RAB3C: variants seen among roughly 807,000 people sequenced by gnomAD.
RAB3C encodes RAB3C, member RAS oncogene family.
RAB3C carries 17 observed loss-of-function variants against 26.4 expected under a neutral mutation model. The observed-to-expected ratio is 0.64, with a 90% CI of 0.44 to 0.97. The LOEUF (loss-of-function observed/expected upper bound fraction) is 0.97, where lower values mean the gene tolerates loss of function less well. Among genes scored for constraint, RAB3C ranks in the 50% least tolerant of loss-of-function variants. RAB3C has a pLI of 0.00. For synonymous variants in RAB3C, 91 were observed against 95.9 expected, an observed-to-expected ratio of 0.95 and a Z score of 0.30; for missense variants, 242 against 281.9, an observed-to-expected ratio of 0.86 and a Z score of 1.01.
intron 4 of RAB3C, among the ~76,000 whole-genome samples, chr5:58,843,204 A>G (rs1267604409): frequency 6.6e-6 from 1 of 152,242 alleles, no homozygotes; most frequent in East Asian, 1.9e-4. Flanking sequence ...TTAAGATTCC[A>G]TATCCTTTGA....
At chr5:58,791,873 G>T (rs1285557937) in intron 3 of RAB3C, among the ~76,000 whole-genome samples, 1 of 152,206 alleles carries the variant, frequency 6.6e-6, no homozygotes, top group African/African-American at 2.4e-5. Flanking sequence ...GCAGTTTGAT[G>T]TTGGGAAAAT....
At chr5:58,622,534 A>G (rs1481713624) in intron 2 of RAB3C, among the ~76,000 whole-genome samples, 2 of 152,140 alleles carry the variant, frequency 1.3e-5, no homozygotes, top group Non-Finnish European at 2.9e-5. Flanking sequence ...GTGATTCCCA[A>G]CTGTCTCACT....
intron 2 of RAB3C, among the ~76,000 whole-genome samples, chr5:58,712,615 C>T (rs2111898748): frequency 6.6e-6 from 1 of 152,288 alleles, no homozygotes; most frequent in African/African-American, 2.4e-5. Flanking sequence ...ACCTCTGCCT[C>T]CCGGGTTCAA....
chr5:58,637,160 C>G (rs988765683), intron 2 of RAB3C, among the ~76,000 whole-genome samples: 1 of 148,958 alleles, frequency 6.7e-6, no homozygotes, highest in African/African-American at 2.5e-5. Flanking sequence ...TTCCCCATCC[C>G]TGATGTCACA....
chr5:58,582,995 G>C (rs779388564), upstream of RAB3C: 9 of 1,337,018 alleles, frequency 6.7e-6, no homozygotes, highest in African/African-American at 1.3e-4. Flanking sequence ...GGGAACACCC[G>C]GAGGGCGAGA....
chr5:58,773,889 G>A (rs542281137), intron 3 of RAB3C, among the ~76,000 whole-genome samples: 6 of 152,072 alleles, frequency 3.9e-5, no homozygotes, highest in Admixed American at 1.3e-4. Flanking sequence ...GGAGAAAATC[G>A]GATACCTCTG....
At chr5:58,801,938 G>A (rs144207940) in intron 3 of RAB3C, among the ~76,000 whole-genome samples, 109 of 152,318 alleles carry the variant, frequency 7.2e-4, no homozygotes, top group African/African-American at 2.2e-3. Flanking sequence ...AAAATATGGA[G>A]CTGCATTCTT....
At chr5:58,648,751 C>A (rs1208933194) in intron 2 of RAB3C, among the ~76,000 whole-genome samples, 2 of 152,038 alleles carry the variant, frequency 1.3e-5, no homozygotes, top group East Asian at 1.9e-4. Flanking sequence ...ATAAAAGATA[C>A]AAAAGATCTT....
intron 1 of RAB3C, among the ~76,000 whole-genome samples, chr5:58,610,194 C>CTGTGTGTGTGTGTGTG (rs1168785442): frequency 0.12 from 16,951 of 143,298 alleles, 1,263 homozygotes; most frequent in East Asian, 0.34. Flanking sequence ...TTTTGTTTTT[C>CTGTGTGTGTGTGTGTG]TGTGTGTGTG....
chr5:58,794,237 C>T (rs868229389), intron 3 of RAB3C: 12 of 149,898 alleles, frequency 8.0e-5, no homozygotes, highest in East Asian at 5.9e-4. Flanking sequence ...TTAAATAATG[C>T]CCCCCATTTT....
chr5:58,725,726 A>G (rs1441490062), intron 2 of RAB3C, among the ~76,000 whole-genome samples: 1 of 151,926 alleles, frequency 6.6e-6, no homozygotes, highest in African/African-American at 2.4e-5. Flanking sequence ...AAATATTTAA[A>G]GTGTTGTATA....
At chr5:58,813,350 C>T (rs912328794) in intron 3 of RAB3C, among the ~76,000 whole-genome samples, 13 of 151,904 alleles carry the variant, frequency 8.6e-5, no homozygotes, top group Non-Finnish European at 1.9e-4. Flanking sequence ...GGGTCTTCCT[C>T]GTTTCAGAAG....
intron 2 of RAB3C, among the ~76,000 whole-genome samples, chr5:58,655,550 G>A (rs1180759737): frequency 1.3e-5 from 2 of 152,126 alleles, no homozygotes; most frequent in Non-Finnish European, 2.9e-5. Context: ...ATTATGAAAG[G>A]TAAAGAGTAA....
rs1742033564 is a variant in RAB3C, at chr5:58,771,737, C to G, written c.371+45617C>G. Among the ~76,000 whole-genome samples the G allele has an allele frequency of 2.6e-5, 4 of 151,972 alleles. No individual in the cohort carries two copies. In the South Asian group the frequency reaches 6.2e-4, roughly 24 times the overall value. On this transcript the variant is annotated intron_variant, in intron 3 of 4. Transcript: ENST00000282878. ...CAAGTCTCCAGAGTTAAGATCTAGA[C>G]TGTTGTGAATGTCTCAAGTTCAAAA...
At chr5:58,849,381 A>C (rs1229927245) in intron 4 of RAB3C, among the ~76,000 whole-genome samples, 4 of 152,152 alleles carry the variant, frequency 2.6e-5, no homozygotes, top group Admixed American at 1.3e-4. Flanking sequence ...GCATGCCAAT[A>C]GTTCTGATAT....
rs922959084 is a variant in RAB3C, at chr5:58,588,819, A to G, written c.24+5587A>G. On this transcript the variant is annotated intron_variant, in intron 1 of 4. Coordinates refer to ENST00000282878, the MANE Select transcript of RAB3C (RefSeq NM_138453.4). The stretch of plus-strand genomic sequence containing the variant: ...TATTTCTAGTTTTCTTTAAGATTCC[A>G]TAAGAATTTCAACATAAACTATCAT... Among the ~76,000 whole-genome samples, 37 of 152,162 alleles carry G rather than the reference A, an allele frequency of 2.4e-4. 1 individual carries two copies. Among genetic ancestry groups the G allele is most frequent in the Admixed American group, 2.4e-3 (37 of 15,276 alleles).
chr5:58,679,919 C>T (rs1748312006), intron 2 of RAB3C, among the ~76,000 whole-genome samples: 1 of 152,138 alleles, frequency 6.6e-6, no homozygotes, highest in Non-Finnish European at 1.5e-5. Flanking sequence ...GTGTGCTATG[C>T]TCTTTCTTTT....
chr5:58,635,408 G>T (rs952973646), intron 2 of RAB3C, among the ~76,000 whole-genome samples: 4 of 152,174 alleles, frequency 2.6e-5, no homozygotes, highest in Non-Finnish European at 5.9e-5. Context: ...CAGTGAATTG[G>T]TGACTTATAA....
intron 2 of RAB3C, among the ~76,000 whole-genome samples, chr5:58,635,478 T>C (rs1053755002): frequency 6.6e-6 from 1 of 152,224 alleles, no homozygotes; most frequent in Non-Finnish European, 1.5e-5. Context: ...GCACACAGAA[T>C]AGTTCCCTGA....
Sources: gnomAD v4.1 joint callset for allele counts (sites outside exome capture counted in the v4.1 genomes callset) on GRCh38, gnomAD v4.1.1 for gene constraint, MANE v1.5 for transcripts, NCBI Gene and HGNC (gene_info 2026-07-23, HGNC 2026-07-21) for gene names.